The following CSGALNACT1 variants were observed in gnomAD, a reference collection of about 807,000 sequenced individuals.
CSGALNACT1 encodes the protein beta4GalNAcT-1.
In CSGALNACT1, 52 loss-of-function variants were observed where a neutral mutation model predicts 51.0. The ratio of observed to expected loss-of-function variants is 1.02; its 90% confidence interval spans 0.82 to 1.29. The LOEUF is 1.29. CSGALNACT1 is among the 50% of genes most tolerant of loss of function. The probability of loss-of-function intolerance (pLI) is 0.00; values close to 1 mark genes in which losing one functional copy is unlikely to be tolerated. For missense variants in CSGALNACT1, 935 were observed against 679.2 expected (o/e 1.38, Z -4.19); for synonymous variants, 341 against 254.4 (o/e 1.34, Z -3.24).
intron 4 of CSGALNACT1, among the ~76,000 whole-genome samples, chr8:19,486,811 C>T (rs568442520): frequency 8.5e-5 from 13 of 152,172 alleles, no homozygotes; most frequent in African/African-American, 4.8e-5. Context: ...ATCATCTCCT[C>T]AACTAGAACA....
chr8:19,625,651 A>G (rs2054354758), intron 1 of CSGALNACT1, among the ~76,000 whole-genome samples: 1 of 152,250 alleles, frequency 6.6e-6, no homozygotes, highest in African/African-American at 2.4e-5. Flanking sequence ...ATAGCGGATC[A>G]TGCTGTCTCT....
At chr8:19,515,185 T>C (rs1464454467) in intron 3 of CSGALNACT1, among the ~76,000 whole-genome samples, 1 of 150,856 alleles carries the variant, frequency 6.6e-6, no homozygotes, top group East Asian at 1.9e-4. Flanking sequence ...TCAGGCCATG[T>C]CCTTTCCTGC....
intron 8 of CSGALNACT1, among the ~76,000 whole-genome samples, chr8:19,416,023 A>T (rs1425382631): frequency 6.6e-6 from 1 of 152,196 alleles, no homozygotes; most frequent in Admixed American, 6.5e-5. Flanking sequence ...TGTGCTGCCT[A>T]ACAACATTTC....
intron 1 of CSGALNACT1, among the ~76,000 whole-genome samples, chr8:19,645,150 G>A (rs1160528568): frequency 6.6e-6 from 1 of 152,176 alleles, no homozygotes; most frequent in Non-Finnish European, 1.5e-5. Context: ...CTCTCACCAA[G>A]GCAGGAGGCC....
chr8:19,601,117 A>T (rs1296444901), intron 2 of CSGALNACT1, among the ~76,000 whole-genome samples: 1 of 152,214 alleles, frequency 6.6e-6, no homozygotes, highest in Non-Finnish European at 1.5e-5. Context: ...GATGTAATAA[A>T]ACATCTTATT....
At chr8:19,479,252 C>T (rs1586870837) in intron 4 of CSGALNACT1, among the ~76,000 whole-genome samples, 1 of 152,258 alleles carries the variant, frequency 6.6e-6, no homozygotes, top group Non-Finnish European at 1.5e-5. Flanking sequence ...CTGTCACCAA[C>T]GCAGACTAAA....
rs751127043 is a variant in CSGALNACT1 at position 19,673,294 on chromosome 8, C to G, written c.-544+9179G>C. 5.3e-5 allele frequency among the ~76,000 whole-genome samples: 8 copies of G among 152,308 alleles called. No homozygotes were observed. In the Middle Eastern group the frequency reaches 0.01, roughly 194 times the overall value. ...GTAACTACTGCAGCTTCACAACTAA[C>G]CTGGCTGTGTTTCAAAGGCACTGAA... On this transcript the variant is annotated intron_variant, in intron 1 of 9. Coordinates refer to the CSGALNACT1 transcript ENST00000332246.
intron 3 of CSGALNACT1, among the ~76,000 whole-genome samples, chr8:19,552,332 A>G (rs1361411623): frequency 6.6e-6 from 1 of 152,234 alleles, no homozygotes; most frequent in African/African-American, 2.4e-5. Flanking sequence ...AAATATTACC[A>G]GAAGAGGGTG....
chr8:19,521,761 C>A (rs2080773936), intron 3 of CSGALNACT1, among the ~76,000 whole-genome samples: 1 of 152,164 alleles, frequency 6.6e-6, no homozygotes, highest in Non-Finnish European at 1.5e-5. Context: ...AAGAGAAGTT[C>A]TAGGAGAAAG....
rs558112323 is a variant in CSGALNACT1 at position 19,543,925 on chromosome 8, C to G, written c.-296-37795G>C. Among the ~76,000 whole-genome samples, 5 of 152,252 alleles carry G rather than the reference C, an allele frequency of 3.3e-5. No homozygotes were observed. The South Asian group carries it at 1.0e-3, about 32-fold the overall frequency. On this transcript the variant is annotated intron_variant, in intron 3 of 9. Coordinates refer to ENST00000454498, the Ensembl canonical transcript of CSGALNACT1. ...CGATCATTAACATTTGTTAATTTTT[C>G]TAAAGAGGAAAAGACGGTGCCAGTA... is the stretch of plus-strand genomic sequence containing the variant.
In CSGALNACT1 at chr8:19,440,674, C is replaced by T. The variant is rs1301308825; in HGVS notation, c.852-743G>A. Among the ~76,000 whole-genome samples the T allele has an allele frequency of 2.0e-5, 3 of 151,970 alleles. No homozygotes were observed. The East Asian group carries it at 5.8e-4, about 29-fold the overall frequency. ...AACTGGCACAAGACAGGGATGCCCTCTCTCACCACTCCTATTCAACATAGT... is the reference window on the plus strand; with the variant it reads ...AACTGGCACAAGACAGGGATGCCCTTTCTCACCACTCCTATTCAACATAGT... On this transcript the variant is annotated intron_variant, in intron 5 of 9. Transcript: ENST00000454498.
intron 7 of CSGALNACT1, 120 bp from the exon 7 acceptor site, chr8:19,418,870 A>T: frequency 1.4e-6 from 1 of 730,420 alleles, no homozygotes; most frequent in East Asian, 2.7e-5. Flanking sequence ...TTTCTTTGAG[A>T]GGCAGTCTCA....
intron 3 of CSGALNACT1, among the ~76,000 whole-genome samples, chr8:19,527,258 G>A (rs1402219943): frequency 1.3e-5 from 2 of 152,150 alleles, no homozygotes; most frequent in Non-Finnish European, 2.9e-5. Flanking sequence ...CTTTCTGCAG[G>A]AGATGACACC....
chr8:19,501,279 C>T (rs1020045301), intron 4 of CSGALNACT1, among the ~76,000 whole-genome samples: 1 of 147,550 alleles, frequency 6.8e-6, no homozygotes, highest in African/African-American at 2.5e-5. Context: ...AGAATAAGGG[C>T]AAGCTAGCAA....
intron 1 of CSGALNACT1, among the ~76,000 whole-genome samples, chr8:19,665,453 T>A (rs2059108845): frequency 6.6e-6 from 1 of 151,930 alleles, no homozygotes; most frequent in African/African-American, 2.4e-5. Context: ...TCAGAAGGAG[T>A]AAGAGGCAAC....
chr8:19,676,099 AAC>A (rs371842691), intron 1 of CSGALNACT1, among the ~76,000 whole-genome samples: 3,602 of 133,712 alleles, frequency 0.027, 135 homozygotes, highest in South Asian at 0.041. Flanking sequence ...AACAAAACAA[AAC>A]AAAAAAAACT....
intron 4 of CSGALNACT1, among the ~76,000 whole-genome samples, chr8:19,499,196 G>A (rs1168794423): frequency 6.6e-6 from 1 of 152,190 alleles, no homozygotes; most frequent in African/African-American, 2.4e-5. Flanking sequence ...CTTCTAGGAA[G>A]CCTGTCCTAT....
chr8:19,487,781 A>G (rs2073341056), intron 4 of CSGALNACT1, among the ~76,000 whole-genome samples: 1 of 152,160 alleles, frequency 6.6e-6, no homozygotes, highest in East Asian at 1.9e-4. Flanking sequence ...TTCTAATTAG[A>G]AAAGGGCTGT....
chr8:19,440,307 A>C (rs985252337), intron 5 of CSGALNACT1, among the ~76,000 whole-genome samples: 2 of 152,166 alleles, frequency 1.3e-5, no homozygotes, highest in East Asian at 1.9e-4. Flanking sequence ...ACATTGATGC[A>C]AAAATCCTCA....
Sources: allele counts gnomAD v4.1 joint callset (sites outside exome capture counted in the v4.1 genomes callset), GRCh38; gene constraint gnomAD v4.1.1; transcripts MANE v1.5; gene names NCBI Gene and HGNC (gene_info 2026-07-23, HGNC 2026-07-21).